FAM169A: variants seen among roughly 807,000 people sequenced by gnomAD.
FAM169A encodes the protein family with sequence similarity 169 member A.
A neutral mutation model predicts 75.7 loss-of-function variants in FAM169A; 24 were observed. That is an observed-to-expected ratio of 0.32 (90% CI 0.23 to 0.45). The LOEUF (loss-of-function observed/expected upper bound fraction) is 0.45, where lower values mean the gene tolerates loss of function less well. FAM169A is among the 20% of genes least tolerant of loss of function. FAM169A has a pLI of 1.00. For missense variants in FAM169A, 673 were observed against 784.0 expected (o/e 0.86, Z 1.69); for synonymous variants, 271 against 271.0 (o/e 1.00, Z 0.00).
chr5:74,849,641 C>A (rs1749339077), intron 1 of FAM169A, among the ~76,000 whole-genome samples: 1 of 151,792 alleles, frequency 6.6e-6, no homozygotes, highest in Admixed American at 6.6e-5. Flanking sequence ...ATTATGATTC[C>A]TCTCTTGATC....
intron 1 of FAM169A, among the ~76,000 whole-genome samples, chr5:74,855,113 C>G (rs1749642427): frequency 6.6e-6 from 1 of 152,176 alleles, no homozygotes; most frequent in Non-Finnish European, 1.5e-5. Flanking sequence ...ACATCCTCAC[C>G]AGCATTCGTT....
intron 1 of FAM169A, among the ~76,000 whole-genome samples, chr5:74,842,469 A>T (rs1162712670): frequency 7.2e-6 from 1 of 138,776 alleles, no homozygotes; most frequent in Non-Finnish European, 1.5e-5. Flanking sequence ...ACTGAATTGT[A>T]CGGTTTGCAA....
intron 5 of FAM169A, 101 bp from the exon 6 acceptor site, chr5:74,814,120 T>C (rs1021774219): frequency 1.1e-6 from 1 of 875,704 alleles, no homozygotes; most frequent in Admixed American, 3.2e-5. Context: ...AGTTTTCTTC[T>C]ATATCAAAAA....
intron 8 of FAM169A, among the ~76,000 whole-genome samples, chr5:74,804,195 C>T (rs963871415): frequency 2.1e-4 from 32 of 152,112 alleles, no homozygotes; most frequent in Admixed American, 9.2e-4. Flanking sequence ...AAAATTTTAA[C>T]AGTGGCTATA....
intron 1 of FAM169A, among the ~76,000 whole-genome samples, chr5:74,851,944 C>T (rs760098590): frequency 3.9e-5 from 6 of 152,080 alleles, no homozygotes; most frequent in Non-Finnish European, 8.8e-5. Flanking sequence ...TTTAAAAACA[C>T]GAGTCTAACT....
intron 1 of FAM169A, among the ~76,000 whole-genome samples, chr5:74,842,184 G>A (rs1038510512): frequency 1.6e-5 from 2 of 123,462 alleles, no homozygotes; most frequent in African/African-American, 9.4e-5. Context: ...CACTTTGGGG[G>A]GCCAAGGAAG....
chr5:74,805,823 G>C (rs1746848377), intron 6 of FAM169A, among the ~76,000 whole-genome samples: 1 of 151,634 alleles, frequency 6.6e-6, no homozygotes, highest in Non-Finnish European at 1.5e-5. Flanking sequence ...TCATCAAATT[G>C]ATCTATAAAT....
At chr5:74,787,727 A>C (rs545059715) in intron 11 of FAM169A, among the ~76,000 whole-genome samples, 61 of 152,302 alleles carry the variant, frequency 4.0e-4, no homozygotes, top group Non-Finnish European at 6.9e-4. Context: ...GCAAAGCAGC[A>C]ATCAGAATAA....
chr5:74,822,993 C>T (rs139269613), intron 5 of FAM169A, among the ~76,000 whole-genome samples: 20 of 152,330 alleles, frequency 1.3e-4, no homozygotes, highest in African/African-American at 4.8e-4. Flanking sequence ...CCTACTGGTG[C>T]TTTCCTAGTT....
At position 74,779,027 on chromosome 5, in the gene FAM169A, T is replaced by G. The variant is rs1745271785; in HGVS notation, c.*2433A>C. ...TTAGGTTTTTCCAAGTGATCTAACT[T>G]TTCCCTCTATAATCTATAAACCCCA... On this transcript the variant is annotated 3_prime_UTR_variant, in exon 13 of 13. Coordinates refer to ENST00000687041, the MANE Select transcript of FAM169A (RefSeq NM_001376049.1). The G allele has an allele frequency of 6.6e-6, 1 of 152,122 alleles. No homozygotes were observed. Among genetic ancestry groups the G allele is most frequent in the Non-Finnish European group, 1.5e-5 (1 of 67,950 alleles). The allele number at this position is 152,122 out of a possible 1,614,324, so 9.4% of individuals were successfully genotyped here. A position where few individuals can be genotyped will look rare whatever the true frequency, so the allele number is the denominator to read the frequency against.
intron 6 of FAM169A, among the ~76,000 whole-genome samples, chr5:74,812,689 A>G (rs1479036668): frequency 6.6e-6 from 1 of 152,228 alleles, no homozygotes; most frequent in African/African-American, 2.4e-5. Context: ...ATTTCTCCAA[A>G]GAAGATATAC....
At chr5:74,799,535 C>G (rs1746451500) in intron 10 of FAM169A, 4 of 1,545,314 alleles carry the variant, frequency 2.6e-6, no homozygotes, top group African/African-American at 1.4e-5. Flanking sequence ...GAAAAGCTGG[C>G]CAGCATGCCC....
rs1580065142 is a variant in FAM169A at position 74,780,993 on chromosome 5, T to G, written c.*467A>C. 6.5e-6 allele frequency: 1 copy of G among 152,828 alleles called. No homozygotes were observed. Among genetic ancestry groups the G allele is most frequent in the African/African-American group, 2.4e-5 (1 of 41,498 alleles). The allele number at this position is 152,828 out of a possible 1,614,324, so 9.5% of individuals were successfully genotyped here. ...ATTTTTTCTAATTTATTGACACTTA[T>G]TTTTGTTTAGGCATGCCTACATTTT... On this transcript the variant is annotated 3_prime_UTR_variant, in exon 13 of 13. Coordinates refer to ENST00000687041, the MANE Select transcript of FAM169A (RefSeq NM_001376049.1).
intron 1 of FAM169A, among the ~76,000 whole-genome samples, chr5:74,864,073 G>A (rs550590108): frequency 6.6e-6 from 1 of 152,170 alleles, no homozygotes; most frequent in Non-Finnish European, 1.5e-5. Flanking sequence ...TTTTGCCAGG[G>A]ATGGTACACA....
At chr5:74,836,250 T>C (rs2112657426) in intron 4 of FAM169A, among the ~76,000 whole-genome samples, 1 of 152,210 alleles carries the variant, frequency 6.6e-6, no homozygotes, top group East Asian at 1.9e-4. Context: ...GTGTTCATGG[T>C]GTACAGTTAA....
Position 74,782,931 on chromosome 5 carries a change from C to G in FAM169A, c.1464G>C (p.Lys488Asn). The change falls in exon 12 of 13, where the codon AAG (lysine) becomes AAC (asparagine). Residue 488 changes from lysine (K) to asparagine (N), a missense_variant and splice_region_variant. Coordinates refer to ENST00000687041, the MANE Select transcript of FAM169A (RefSeq NM_001376049.1). ...AAAAAATAGCTCATTGCCCCCTTACCTTATCTGGTGCATCTACCTCAGGGG... is the reference window on the plus strand; with the variant it reads ...AAAAAATAGCTCATTGCCCCCTTACGTTATCTGGTGCATCTACCTCAGGGG... ...SKPPEVDAPDKTPRIPDSEML... is the reference protein window; with the variant it reads ...SKPPEVDAPDNTPRIPDSEML... 1.2e-6 allele frequency: 2 copies of G among 1,608,484 alleles called. No individual in the cohort carries two copies. Among genetic ancestry groups the G allele is most frequent in the Non-Finnish European group, 1.7e-6 (2 of 1,175,744 alleles).
chr5:74,799,593 C>T, intron 10 of FAM169A: 12 of 1,473,418 alleles, frequency 8.1e-6, no homozygotes, highest in South Asian at 2.3e-5. Flanking sequence ...AGTCTGGTGG[C>T]GGTGGCACTG....
At chr5:74,817,855 G>A (rs937401459) in intron 5 of FAM169A, among the ~76,000 whole-genome samples, 2 of 152,022 alleles carry the variant, frequency 1.3e-5, no homozygotes, top group Non-Finnish European at 2.9e-5. Context: ...ATAAACTTTC[G>A]TATTTATGGT....
chr5:74,850,939 C>G (rs1561324905), intron 1 of FAM169A, among the ~76,000 whole-genome samples: 2 of 152,146 alleles, frequency 1.3e-5, no homozygotes, highest in Non-Finnish European at 2.9e-5. Flanking sequence ...TTGTTAGAGA[C>G]AGAATCTCAC....
Sources: allele counts gnomAD v4.1 joint callset (sites outside exome capture counted in the v4.1 genomes callset), GRCh38; gene constraint gnomAD v4.1.1; transcripts MANE v1.5; gene names NCBI Gene and HGNC (gene_info 2026-07-23, HGNC 2026-07-21).